Variants in ITGA2 observed in about 807,000 individuals in gnomAD.
ITGA2 encodes the protein integrin subunit alpha 2, also known as integrin alpha-2.
A neutral mutation model predicts 146.3 loss-of-function variants in ITGA2; 101 were observed. That is an observed-to-expected ratio of 0.69 (90% CI 0.59 to 0.81). The LOEUF is 0.81. Among genes scored for constraint, ITGA2 ranks in the 40% least tolerant of loss-of-function variants. The pLI is 0.00. For missense variants in ITGA2, 1,281 were observed against 1,402.7 expected (o/e 0.91, Z 1.39); for synonymous variants, 477 against 487.1 (o/e 0.98, Z 0.27).
rs1051922358 is a variant in ITGA2, at chr5:53,055,465, A to G, written c.780-73A>G. ...TTAAAGAAGCTAGTTTCATGTTTCT[A>G]TTTTAAACCAGAGGTTCTCATATTA... On this transcript the variant is annotated intron_variant, in intron 7 of 29. Transcript: ENST00000296585. 9.3e-6 allele frequency: 13 copies of G among 1,394,156 alleles called. No homozygotes were observed. The African/African-American group carries it at 1.6e-4, about 17-fold the overall frequency. The allele number at this position is 1,394,156 out of a possible 1,614,324, so 86.4% of individuals were successfully genotyped here.
intron 11 of ITGA2, 82 bp downstream of exon 11, chr5:53,060,094 C>A: frequency 7.2e-7 from 1 of 1,387,444 alleles, no homozygotes; most frequent in Non-Finnish European, 1.0e-6. Context: ...AGGGTGAGTT[C>A]AGCAAAATCC....
At chr5:52,989,609 C>G in intron 1 of ITGA2, 77 bp downstream of exon 1, 3 of 1,508,434 alleles carry the variant, frequency 2.0e-6, no homozygotes, top group Non-Finnish European at 2.8e-6. Context: ...AGGGATTGGG[C>G]GGAACTAGGG....
Position 53,054,852 on chromosome 5 carries a change from T to C in ITGA2, c.780-686T>C, listed in dbSNP as rs1479451350. Among the ~76,000 whole-genome samples, 2 of 152,014 alleles carry C rather than the reference T, an allele frequency of 1.3e-5. 1 individual carries two copies. The highest frequency in any genetic ancestry group is 1.3e-4 in the Admixed American group (2 of 15,226). On this transcript the variant is annotated intron_variant, in intron 7 of 29. Coordinates refer to ENST00000296585, the MANE Select transcript of ITGA2 (RefSeq NM_002203.4). The stretch of plus-strand genomic sequence containing the variant: ...GATTCAGTGTATTCTGCTCAGGTGA[T>C]GGGTGCAAATCTCACAAACCACCAC...
chr5:53,042,600 T>A (rs1307677363), intron 3 of ITGA2, among the ~76,000 whole-genome samples: 2 of 152,122 alleles, frequency 1.3e-5, no homozygotes, highest in African/African-American at 4.8e-5. Context: ...AAGGGCTGAG[T>A]TTGGAGGCAC....
At chr5:53,017,220 T>C (rs1018005427) in intron 1 of ITGA2, among the ~76,000 whole-genome samples, 17 of 152,240 alleles carry the variant, frequency 1.1e-4, no homozygotes, top group African/African-American at 3.1e-4. Context: ...TGGGCTGATA[T>C]TCCTTCAGTC....
chr5:53,078,919 GA>G, intron 24 of ITGA2, 45 bp downstream of exon 24: 1 of 1,067,718 alleles, frequency 9.4e-7, no homozygotes, highest in Non-Finnish European at 1.5e-6. Context: ...GAGAAAGTGA[GA>G]AGAAAAAAAA....
intron 2 of ITGA2, among the ~76,000 whole-genome samples, chr5:53,037,918 G>A (rs1027167492): frequency 3.3e-5 from 5 of 152,118 alleles, no homozygotes; most frequent in African/African-American, 1.2e-4. Flanking sequence ...ATCTTTTAGG[G>A]AATTTCAAGT....
intron 16 of ITGA2, among the ~76,000 whole-genome samples, chr5:53,069,456 G>A (rs1745288035): frequency 6.6e-6 from 1 of 151,854 alleles, no homozygotes; most frequent in African/African-American, 2.4e-5. Context: ...CCCTATGTGA[G>A]CATCTAGAAT....
chr5:53,088,501 C>T (rs1054062315), intron 28 of ITGA2, among the ~76,000 whole-genome samples: 3 of 151,964 alleles, frequency 2.0e-5, no homozygotes, highest in Admixed American at 6.5e-5. Context: ...GCTTGGCCAA[C>T]ATAGTGAAAA....
chr5:53,081,220 T>C (rs1745902417), intron 25 of ITGA2, among the ~76,000 whole-genome samples: 1 of 152,208 alleles, frequency 6.6e-6, no homozygotes. Context: ...TCATCTTCAG[T>C]CCAACAGTTG....
At chr5:53,023,046 G>A (rs925350800) in intron 1 of ITGA2, among the ~76,000 whole-genome samples, 7 of 152,158 alleles carry the variant, frequency 4.6e-5, no homozygotes, top group Non-Finnish European at 1.0e-4. Flanking sequence ...CTGTCAACAC[G>A]TGTCTGACAA....
At chr5:53,026,525 A>G (rs3212421) in intron 1 of ITGA2, among the ~76,000 whole-genome samples, 48 of 152,272 alleles carry the variant, frequency 3.2e-4, no homozygotes, top group African/African-American at 1.1e-3. Context: ...TAGCATTTCC[A>G]TGAAGATTAG....
At chr5:53,004,483 G>A (rs1334457970) in intron 1 of ITGA2, among the ~76,000 whole-genome samples, 4 of 151,970 alleles carry the variant, frequency 2.6e-5, no homozygotes, top group Non-Finnish European at 5.9e-5. Context: ...TTATTTAAGG[G>A]ACCTTCTTAA....
chr5:53,074,644 A>T (rs2112006470), intron 21 of ITGA2, among the ~76,000 whole-genome samples, 167 bp downstream of exon 21: 1 of 152,162 alleles, frequency 6.6e-6, no homozygotes, highest in Middle Eastern at 3.4e-3. Flanking sequence ...AATTATTAAT[A>T]AAAATGGGAT....
intron 23 of ITGA2, among the ~76,000 whole-genome samples, chr5:53,077,660 A>G (rs903281192): frequency 2.6e-5 from 4 of 152,076 alleles, no homozygotes; most frequent in African/African-American, 9.7e-5. Context: ...CCCATTTTCC[A>G]TGTCAGGCTG....
At chr5:52,999,468 C>G (rs1364740222) in intron 1 of ITGA2, among the ~76,000 whole-genome samples, 6 of 151,998 alleles carry the variant, frequency 3.9e-5, no homozygotes, top group Non-Finnish European at 7.4e-5. Flanking sequence ...TGCCACAAGA[C>G]ATGAAACTTC....
chr5:52,989,655 A>C, intron 1 of ITGA2, 123 bp downstream of exon 1: 1 of 1,073,908 alleles, frequency 9.3e-7, no homozygotes, highest in African/African-American at 1.6e-5. Flanking sequence ...TTCCACGTGG[A>C]CTCGGGCTCC....
intron 23 of ITGA2, 65 bp downstream of exon 23, chr5:53,075,369 C>T (rs1745615604): frequency 5.3e-6 from 7 of 1,330,456 alleles, no homozygotes; most frequent in South Asian, 1.2e-5. Flanking sequence ...ATTTTTGGCT[C>T]ATGGCTAAAG....
intron 1 of ITGA2, among the ~76,000 whole-genome samples, chr5:53,007,764 G>C (rs1741930685): frequency 6.6e-6 from 1 of 152,070 alleles, no homozygotes; most frequent in Admixed American, 6.6e-5. Flanking sequence ...CATAATAAAT[G>C]GACATTAGAG....
Sources: gnomAD v4.1 joint callset for allele counts (sites outside exome capture counted in the v4.1 genomes callset) on GRCh38, gnomAD v4.1.1 for gene constraint, MANE v1.5 for transcripts, NCBI Gene and HGNC (gene_info 2026-07-23, HGNC 2026-07-21) for gene names.